KCNQ5: variants seen among roughly 807,000 people sequenced by gnomAD.
The protein encoded by KCNQ5 is potassium voltage-gated channel subfamily KQT member 5.
A neutral mutation model predicts 98.2 loss-of-function variants in KCNQ5; 30 were observed. That is an observed-to-expected ratio of 0.31 (90% CI 0.23 to 0.41). The LOEUF (loss-of-function observed/expected upper bound fraction) is 0.41, where lower values mean the gene tolerates loss of function less well. KCNQ5 is among the 10% of genes least tolerant of loss of function. The pLI is 1.00. For synonymous variants in KCNQ5, 458 were observed against 449.4 expected, an observed-to-expected ratio of 1.02 and a Z score of -0.24; for missense variants, 835 against 1,182.5, an observed-to-expected ratio of 0.71 and a Z score of 4.31.
At chr6:73,046,494 A>G (rs1287729404) in intron 3 of KCNQ5, among the ~76,000 whole-genome samples, 1 of 151,934 alleles carries the variant, frequency 6.6e-6, no homozygotes, top group Non-Finnish European at 1.5e-5. Context: ...TTTATTGAGA[A>G]CTACTATATA....
chr6:73,027,858 A>G (rs1770960681), intron 2 of KCNQ5, among the ~76,000 whole-genome samples: 1 of 152,238 alleles, frequency 6.6e-6, no homozygotes, highest in Non-Finnish European at 1.5e-5. Context: ...CACTGAATCC[A>G]TATTTACCAT....
At chr6:73,090,889 T>A (rs368679877) in intron 5 of KCNQ5, among the ~76,000 whole-genome samples, 1 of 152,154 alleles carries the variant, frequency 6.6e-6, no homozygotes, top group South Asian at 2.1e-4. Flanking sequence ...ATAAATTAGT[T>A]CAACCATTGT....
chr6:73,064,130 C>G (rs532405284), intron 3 of KCNQ5, among the ~76,000 whole-genome samples: 2 of 152,294 alleles, frequency 1.3e-5, no homozygotes, highest in East Asian at 3.9e-4. Flanking sequence ...CCGAGTAACA[C>G]AGTCTATTCA....
chr6:72,824,298 G>T (rs977670090), intron 1 of KCNQ5, among the ~76,000 whole-genome samples: 1 of 151,982 alleles, frequency 6.6e-6, no homozygotes, highest in Non-Finnish European at 1.5e-5. Flanking sequence ...CGGTGGTGGG[G>T]TCTGTGAAAT....
intron 1 of KCNQ5, among the ~76,000 whole-genome samples, chr6:72,999,048 A>G (rs1043886844): frequency 2.0e-5 from 3 of 152,202 alleles, no homozygotes; most frequent in African/African-American, 7.2e-5. Flanking sequence ...CAATAGGGTA[A>G]CTTGCCATGG....
intron 2 of KCNQ5, among the ~76,000 whole-genome samples, chr6:73,034,505 T>C (rs1771301741): frequency 6.6e-6 from 1 of 152,242 alleles, no homozygotes; most frequent in South Asian, 2.1e-4. Context: ...AGCTTGTAGA[T>C]TAGACAAAGG....
chr6:73,136,204 C>A (rs930463806), intron 10 of KCNQ5: 1 of 152,200 alleles, frequency 6.6e-6, no homozygotes, highest in Admixed American at 6.5e-5. Context: ...GATCCATATT[C>A]TTCTAACATG....
chr6:72,903,130 A>G (rs1779572853), intron 1 of KCNQ5, among the ~76,000 whole-genome samples: 2 of 152,092 alleles, frequency 1.3e-5, no homozygotes, highest in African/African-American at 4.8e-5. Flanking sequence ...AAAGGTGTTT[A>G]TAGTAACCTT....
At chr6:73,105,142 A>G (rs1774949736) in intron 5 of KCNQ5, 115 bp from the exon 6 acceptor site, 1 of 564,126 alleles carries the variant, frequency 1.8e-6, no homozygotes, top group Admixed American at 2.9e-5. Flanking sequence ...AATAAAAAGC[A>G]CGAACAAGAT....
chr6:73,115,236 C>A (rs1353601035), intron 7 of KCNQ5, among the ~76,000 whole-genome samples: 4 of 151,934 alleles, frequency 2.6e-5, no homozygotes, highest in Non-Finnish European at 5.9e-5. Context: ...GTGAAAATTT[C>A]CCTGAAACTA....
chr6:72,685,466 A>G (rs1382800126), intron 1 of KCNQ5, among the ~76,000 whole-genome samples: 1 of 152,218 alleles, frequency 6.6e-6, no homozygotes, highest in Non-Finnish European at 1.5e-5. Flanking sequence ...GAATTCTTCC[A>G]TCCCGTTCCT....
At chr6:72,674,580 G>GC (rs1767310353) in intron 1 of KCNQ5, among the ~76,000 whole-genome samples, 1 of 152,116 alleles carries the variant, frequency 6.6e-6, no homozygotes, top group Non-Finnish European at 1.5e-5. Context: ...GACCAGCCTG[G>GC]CCAACGTGGT....
intron 1 of KCNQ5, among the ~76,000 whole-genome samples, chr6:72,710,084 T>C (rs562730860): frequency 2.6e-5 from 4 of 152,194 alleles, no homozygotes; most frequent in African/African-American, 9.6e-5. Flanking sequence ...GTCAGTGAGA[T>C]AGGAAAAGGC....
chr6:73,162,067 C>T (rs1489853299), intron 10 of KCNQ5, among the ~76,000 whole-genome samples: 3 of 150,706 alleles, frequency 2.0e-5, no homozygotes, highest in East Asian at 2.0e-4. Context: ...CAGGTGCCTA[C>T]CACCATGCCC....
At chr6:72,998,715 C>T (rs969455182) in intron 1 of KCNQ5, among the ~76,000 whole-genome samples, 13 of 150,714 alleles carry the variant, frequency 8.6e-5, no homozygotes, top group South Asian at 2.1e-4. Flanking sequence ...CCAGCCTGGG[C>T]GACAGAGTGA....
chr6:73,097,142 C>CATATATATATATACATAT (rs1554208509), intron 5 of KCNQ5, among the ~76,000 whole-genome samples: 1 of 121,858 alleles, frequency 8.2e-6, no homozygotes, highest in Non-Finnish European at 1.8e-5. Flanking sequence ...CAATAGATCT[C>CATATATATATATACATAT]ATATATATAT....
chr6:72,635,678 T>G (rs2098923656), intron 1 of KCNQ5, among the ~76,000 whole-genome samples: 2 of 148,570 alleles, frequency 1.3e-5, no homozygotes, highest in Non-Finnish European at 3.0e-5. Flanking sequence ...TAGTTTTTTT[T>G]TTTTTTTTTT....
chr6:73,043,198 C>A, intron 3 of KCNQ5: 1 of 395,466 alleles, frequency 2.5e-6, no homozygotes. Context: ...TCCTTTATTC[C>A]ATACTTCTTT....
rs183824798 is a variant in KCNQ5, at chr6:72,726,715, T to A, written c.398+104128T>A. On this transcript the variant is annotated intron_variant, in intron 1 of 13. Transcript: ENST00000370398. ...TGAATGTTGTTGAATACAGAAAAAA[T>A]TTAATATTCTCTTTAATTCTGTTCT... 5.1e-4 allele frequency among the ~76,000 whole-genome samples: 78 copies of A among 152,202 alleles called. No individual in the cohort carries two copies. In the East Asian group the frequency reaches 0.013, roughly 25 times the overall value.
Sources: gnomAD v4.1 joint callset for allele counts (sites outside exome capture counted in the v4.1 genomes callset) on GRCh38, gnomAD v4.1.1 for gene constraint, MANE v1.5 for transcripts, NCBI Gene and HGNC (gene_info 2026-07-23, HGNC 2026-07-21) for gene names.